Variants in SLC25A53 observed in about 807,000 individuals in gnomAD.
The protein encoded by SLC25A53 is solute carrier family 25 member 53, also known as mitochondrial carrier triple repeat protein 6.
In SLC25A53, 5 loss-of-function variants were observed where a neutral mutation model predicts 15.0. The ratio of observed to expected loss-of-function variants is 0.33; its 90% CI spans 0.17 to 0.70. SLC25A53 has a LOEUF of 0.70. SLC25A53 is among the 30% of genes least tolerant of loss of function. The pLI, the probability that SLC25A53 is intolerant of heterozygous loss-of-function variation, is 0.67. For missense variants in SLC25A53, 216 were observed against 241.6 expected (o/e 0.89, Z 0.70); for synonymous variants, 95 against 100.0 (o/e 0.95, Z 0.30).
chrX:104,128,338 T>A (rs1417174849), intron 1 of SLC25A53, among the ~76,000 whole-genome samples: 1 of 112,029 alleles, frequency 8.9e-6, no homozygotes, highest in African/African-American at 3.2e-5. Flanking sequence ...AACTGAAAAA[T>A]TTTAAAATTT....
chrX:104,114,762 G>C, intron 1 of SLC25A53: 6 of 1,211,785 alleles, frequency 5.0e-6, no homozygotes, highest in Non-Finnish European at 6.7e-6. Context: ...AGATGATAAG[G>C]GAGGAAGAGG....
intron 1 of SLC25A53, among the ~76,000 whole-genome samples, chrX:104,149,241 T>G (rs2147881064): frequency 8.9e-6 from 1 of 112,727 alleles, no homozygotes; most frequent in South Asian, 3.6e-4. Flanking sequence ...CACCTCTGTT[T>G]GAATTACTAT....
chrX:104,144,923 A>G (rs7883734), intron 1 of SLC25A53, among the ~76,000 whole-genome samples: 4,263 of 111,639 alleles, frequency 0.038, 175 homozygotes, highest in African/African-American at 0.13. Context: ...ATTAACAAGG[A>G]TATCCAGGAC....
chrX:104,111,530 T>C (rs1194290927), intron 1 of SLC25A53, among the ~76,000 whole-genome samples: 1 of 110,511 alleles, frequency 9.0e-6, no homozygotes, highest in Non-Finnish European at 1.9e-5. Flanking sequence ...ATAAAAAAAA[T>C]GAAAGAAAGA....
intron 1 of SLC25A53, among the ~76,000 whole-genome samples, chrX:104,143,373 G>C (rs782417151): frequency 1.4e-3 from 162 of 111,802 alleles, no homozygotes; most frequent in Non-Finnish European, 2.5e-3. Context: ...TAGACGAATT[G>C]CTAACTAGAA....
chrX:104,114,616 G>T (rs2147868865), intron 1 of SLC25A53: 1 of 1,212,013 alleles, frequency 8.3e-7, no homozygotes, highest in East Asian at 3.0e-5. Context: ...AGCTGAGAAA[G>T]ATGCAAACCA....
intron 1 of SLC25A53, among the ~76,000 whole-genome samples, chrX:104,137,168 G>A (rs782808319): frequency 9.0e-6 from 1 of 111,090 alleles, no homozygotes. Flanking sequence ...ATTCAAGCCT[G>A]CCCTGGGTCC....
intron 1 of SLC25A53, among the ~76,000 whole-genome samples, chrX:104,128,777 T>TACAC (rs781789903): frequency 2.1e-4 from 22 of 106,614 alleles, no homozygotes; most frequent in Non-Finnish European, 3.9e-4. Context: ...CACACACACG[T>TACAC]ACACACACAC....
rs1829785244 is a variant in SLC25A53 at position 104,100,113 on chromosome X, T to C, written c.*4221A>G. The stretch of plus-strand genomic sequence containing the variant: ...CTTTAATATACTACACTATATATAG[T>C]TATCCCAGTAAAATTATAATGCTAT... On this transcript the variant is annotated 3_prime_UTR_variant, in exon 2 of 2. Transcript: ENST00000594199. 1 of 112,004 alleles carries C rather than the reference T, an allele frequency of 8.9e-6. No individual in the cohort carries two copies. The highest frequency in any genetic ancestry group is 3.7e-4 in the South Asian group (1 of 2,707). 9.2% of individuals were successfully genotyped at this position (112,004 alleles called of 1,213,427 possible).
At chrX:104,129,759 AACT>A (rs1292013177) in intron 1 of SLC25A53, among the ~76,000 whole-genome samples, 2 of 107,309 alleles carry the variant, frequency 1.9e-5, no homozygotes, top group African/African-American at 6.7e-5. Context: ...ATATATATAT[AACT>A]ACATTTATAT....
intron 1 of SLC25A53, among the ~76,000 whole-genome samples, chrX:104,107,293 C>T: frequency 8.9e-6 from 1 of 112,493 alleles, no homozygotes; most frequent in Non-Finnish European, 1.9e-5. Flanking sequence ...CCACCTCCCC[C>T]TACCCCCACA....
At chrX:104,126,938 C>T (rs1412090519) in intron 1 of SLC25A53, among the ~76,000 whole-genome samples, 1 of 112,319 alleles carries the variant, frequency 8.9e-6, no homozygotes, top group Non-Finnish European at 1.9e-5. Context: ...GGAAATCATT[C>T]TGGCAATTTC....
chrX:104,131,448 T>C (rs2058789598), intron 1 of SLC25A53, among the ~76,000 whole-genome samples: 1 of 111,690 alleles, frequency 9.0e-6, no homozygotes, highest in Non-Finnish European at 1.9e-5. Context: ...AACCACTGCA[T>C]TCCTCATCAC....
chrX:104,140,192 G>T (rs976156219), intron 1 of SLC25A53, among the ~76,000 whole-genome samples: 2 of 111,319 alleles, frequency 1.8e-5, no homozygotes, highest in Non-Finnish European at 3.8e-5. Context: ...GTGGGATCAA[G>T]GCTCAGTGCC....
At chrX:104,106,623 C>G (rs1302096714) in intron 1 of SLC25A53, among the ~76,000 whole-genome samples, 4 of 111,242 alleles carry the variant, frequency 3.6e-5, no homozygotes, top group African/African-American at 1.3e-4. Context: ...CAATGGGGAA[C>G]CAGAGAGTCC....
intron 1 of SLC25A53, among the ~76,000 whole-genome samples, chrX:104,109,199 A>G (rs2075326767): frequency 9.0e-6 from 1 of 111,383 alleles, no homozygotes; most frequent in Non-Finnish European, 1.9e-5. Context: ...CCATGTGGTG[A>G]GAAGGAAATA....
At chrX:104,138,173 C>G (rs1247286507) in intron 1 of SLC25A53, among the ~76,000 whole-genome samples, 1 of 111,231 alleles carries the variant, frequency 9.0e-6, no homozygotes, top group Non-Finnish European at 1.9e-5. Flanking sequence ...CTTTGGGAGG[C>G]TGAGGCAGGA....
At chrX:104,138,853 C>CTCCACATCCAGCCACCTGTGTGT (rs1556366996) in intron 1 of SLC25A53, among the ~76,000 whole-genome samples, 1 of 111,696 alleles carries the variant, frequency 9.0e-6, no homozygotes, top group Non-Finnish European at 1.9e-5. Context: ...ATGCGTTCCT[C>CTCCACATCCAGCCACCTGTGTGT]TCCACATCCA....
intron 1 of SLC25A53, among the ~76,000 whole-genome samples, chrX:104,119,871 C>G (rs913645820): frequency 5.4e-5 from 6 of 111,977 alleles, no homozygotes; most frequent in African/African-American, 1.6e-4. Flanking sequence ...ACTCTCATGA[C>G]AGTTTTAGCT....
Sources: gnomAD v4.1 joint callset for allele counts (sites outside exome capture counted in the v4.1 genomes callset) on GRCh38, gnomAD v4.1.1 for gene constraint, MANE v1.5 for transcripts, NCBI Gene and HGNC (gene_info 2026-07-23, HGNC 2026-07-21) for gene names.